Variants in MYOM1 observed in about 807,000 individuals in gnomAD.
MYOM1 encodes the protein myomesin-1.
Under a neutral mutation model 205.3 loss-of-function variants are expected in MYOM1, and 164 were observed. That is an observed-to-expected ratio of 0.80 (90% CI 0.70 to 0.91). MYOM1 has a LOEUF of 0.91. Among genes scored for constraint, MYOM1 ranks in the 40% least tolerant of loss-of-function variants. The pLI is 0.00. For synonymous variants in MYOM1, 772 were observed against 789.4 expected (o/e 0.98, Z 0.37); for missense variants, 2,011 against 2,127.3 (o/e 0.95, Z 1.08).
chr18:3,162,842 G>A (rs1309883020), intron 10 of MYOM1, among the ~76,000 whole-genome samples: 5 of 152,186 alleles, frequency 3.3e-5, no homozygotes, highest in South Asian at 2.1e-4. Context: ...TGGCTAACAC[G>A]GTGAAACCCC....
chr18:3,131,272 C>T, intron 17 of MYOM1, 103 bp downstream of exon 17: 1 of 1,310,486 alleles, frequency 7.6e-7, no homozygotes. Context: ...TGCAATCATC[C>T]AGCAATATTG....
At chr18:3,234,481 C>T in the MYOM1 span, among the ~76,000 whole-genome samples, 1 of 152,090 alleles carries the variant, frequency 6.6e-6, no homozygotes, top group East Asian at 1.9e-4. Flanking sequence ...TTTTGTGACC[C>T]CCTAGTTAAT....
At chr18:3,240,768 G>A in the MYOM1 span, among the ~76,000 whole-genome samples, 1 of 152,358 alleles carries the variant, frequency 6.6e-6, no homozygotes, top group African/African-American at 2.4e-5. Flanking sequence ...ATGTGGAAAA[G>A]TTTGGAACTT....
In MYOM1 at chr18:3,151,864, T is replaced by C. The variant is rs770549963; in HGVS notation, c.1673A>G (p.Gln558Arg). ...KCEVGTDSWSQCNDTPVKFAR... is the reference protein window; with the variant it reads ...KCEVGTDSWSRCNDTPVKFAR... ...AAACTTCACAGGTGTGTCATTGCACTGCGACCAGCTATCTGTGCCCACCTC... is the reference window on the plus strand; with the variant it reads ...AAACTTCACAGGTGTGTCATTGCACCGCGACCAGCTATCTGTGCCCACCTC... The change falls in exon 12 of 38, where the codon CAG becomes CGG. Residue 558 changes from glutamine (Q) to arginine (R), a missense_variant. By Grantham distance (43) the Gln-to-Arg change is conservative. Coordinates refer to ENST00000356443, the MANE Select transcript of MYOM1 (RefSeq NM_003803.4). The C allele has an allele frequency of 6.2e-7, 1 of 1,613,060 alleles. No individual in the cohort carries two copies. The highest frequency in any genetic ancestry group is 8.5e-7 in the Non-Finnish European group (1 of 1,179,286).
intron 25 of MYOM1, among the ~76,000 whole-genome samples, chr18:3,095,524 C>T (rs371859573): frequency 6.6e-6 from 1 of 152,096 alleles, no homozygotes; most frequent in East Asian, 1.9e-4. Flanking sequence ...GCCGAGATCG[C>T]GCCACTGCAC....
intron 36 of MYOM1, among the ~76,000 whole-genome samples, chr18:3,072,119 C>T (rs900596918): frequency 4.6e-5 from 7 of 150,814 alleles, no homozygotes; most frequent in African/African-American, 1.7e-4. Flanking sequence ...GGCGGGATCT[C>T]GGCTCACTGC....
the MYOM1 span, among the ~76,000 whole-genome samples, chr18:3,239,252 G>A: frequency 6.6e-6 from 1 of 152,182 alleles, no homozygotes; most frequent in African/African-American, 2.4e-5. Flanking sequence ...TTCTATAGGA[G>A]CAAGGAGAGT....
rs576052970 is a variant in MYOM1 at position 3,069,228 on chromosome 18, T to C, written c.4765-1673A>G. On this transcript the variant is annotated intron_variant, in intron 37 of 37. Transcript: ENST00000356443. Reference sequence around the variant, plus strand: ...TGTACACCAGCCCACCCAGCTACTATTCTTTATTACAGCAATTCTGATAGG... The same window carrying C: ...TGTACACCAGCCCACCCAGCTACTACTCTTTATTACAGCAATTCTGATAGG... 1.4e-4 allele frequency among the ~76,000 whole-genome samples: 21 copies of C among 152,364 alleles called. No individual in the cohort carries two copies. The South Asian group carries it at 4.1e-3, about 30-fold the overall frequency.
rs2080870847 is a variant in MYOM1, at chr18:3,189,198, G to A, written c.432-111C>T. On this transcript the variant is annotated intron_variant, in intron 3 of 37. Coordinates refer to ENST00000356443, the MANE Select transcript of MYOM1 (RefSeq NM_003803.4). This position sits in a 1 kb window ranked among gnomAD's most constrained non-coding sequence, Gnocchi z 4.8. ...TCAGACACTGTATCCTGCACCAAAAGAAAATCCGACATAGAAAAAGCAGGT... is the reference window on the plus strand; with the variant it reads ...TCAGACACTGTATCCTGCACCAAAAAAAAATCCGACATAGAAAAAGCAGGT... The A allele has an allele frequency of 2.0e-6, 2 of 1,007,658 alleles. No individual in the cohort carries two copies. The highest frequency in any genetic ancestry group is 2.8e-6 in the Non-Finnish European group (2 of 703,884). The allele number at this position is 1,007,658 out of a possible 1,614,324, so 62.4% of individuals were successfully genotyped here. A position where few individuals can be genotyped will look rare whatever the true frequency, so the allele number is the denominator to read the frequency against.
intron 14 of MYOM1, among the ~76,000 whole-genome samples, chr18:3,137,935 T>C (rs1196953353): frequency 1.3e-5 from 2 of 152,206 alleles, no homozygotes; most frequent in Non-Finnish European, 2.9e-5. Context: ...ATATGTGCAA[T>C]GATTGTGTAT....
chr18:3,166,405 GGATTACAGGC>G, intron 9 of MYOM1, among the ~76,000 whole-genome samples: 1 of 151,816 alleles, frequency 6.6e-6, no homozygotes, highest in Non-Finnish European at 1.5e-5. Flanking sequence ...TGAGTAGCTG[GGATTACAGGC>G]ATGCACCACC....
intron 3 of MYOM1, among the ~76,000 whole-genome samples, chr18:3,191,844 C>CAT (rs2080911471): frequency 6.6e-6 from 1 of 151,704 alleles, no homozygotes; most frequent in Non-Finnish European, 1.5e-5. Flanking sequence ...TACAGGTGCC[C>CAT]GCCACCACGC....
rs1051054278 is a variant in MYOM1, at chr18:3,209,685, T to C, written c.290+5249A>G. ...GCTGTCCCTGATGCCTGGTGCACCT[T>C]TACCCAGATAACCTCATGGCTACCT... On this transcript the variant is annotated intron_variant, in intron 2 of 37. Coordinates refer to ENST00000356443, the MANE Select transcript of MYOM1 (RefSeq NM_003803.4). This position sits in a 1 kb window ranked among gnomAD's most constrained non-coding sequence, Gnocchi z 4.0. 2.6e-5 allele frequency among the ~76,000 whole-genome samples: 4 copies of C among 152,136 alleles called. No homozygotes were observed. Among genetic ancestry groups the C allele is most frequent in the Non-Finnish European group, 4.4e-5 (3 of 68,022 alleles).
At position 3,081,130 on chromosome 18, in the gene MYOM1, C is replaced by CA. The variant is rs752878328; in HGVS notation, c.4485-1789dup. Among the ~76,000 whole-genome samples the CA allele has an allele frequency of 5.6e-3, 643 of 113,840 alleles. 1 individual carries two copies. Among genetic ancestry groups the CA allele is most frequent in the Middle Eastern group, 0.02 (4 of 198 alleles). 74.7% of individuals were successfully genotyped at this position (113,840 alleles called of 152,430 possible). On this transcript the variant is annotated intron_variant, in intron 33 of 37. Transcript: ENST00000356443. ...TGGGTGACAGAGTGAGACTCCGTCT[C>CA]AAAAAAAAAAAAAAAGAGAGAGAGT...
rs1448967472 is a variant in MYOM1 at position 3,179,831 on chromosome 18, C to T, written c.930-3697G>A. Among the ~76,000 whole-genome samples, 2 of 152,226 alleles carry T rather than the reference C, an allele frequency of 1.3e-5. No individual in the cohort carries two copies. The highest frequency in any genetic ancestry group is 4.8e-5 in the African/African-American group (2 of 41,462). ...ATTTCACACTGGACTCAAGCTCACTCTGGCTCTGCTCTTTCTTGTGCTGGA... is the reference window on the plus strand; with the variant it reads ...ATTTCACACTGGACTCAAGCTCACTTTGGCTCTGCTCTTTCTTGTGCTGGA... On this transcript the variant is annotated intron_variant, in intron 5 of 37. Coordinates refer to ENST00000356443, the MANE Select transcript of MYOM1 (RefSeq NM_003803.4). This position sits in a 1 kb window ranked among gnomAD's most constrained non-coding sequence, Gnocchi z 4.4.
chr18:3,085,143 A>G lies in MYOM1; in HGVS notation c.4252-11T>C. The G allele has an allele frequency of 6.3e-7, 1 of 1,590,330 alleles. No homozygotes were observed. The highest frequency in any genetic ancestry group is 8.6e-7 in the Non-Finnish European group (1 of 1,166,290). On this transcript the variant is annotated splice_polypyrimidine_tract_variant and intron_variant, in intron 30 of 37. Transcript: ENST00000356443. The stretch of plus-strand genomic sequence containing the variant: ...ATCTTTCTTGGAAAACTAAGGGGGA[A>G]TAGATATACCACATTGCACCTTTCG...
chr18:3,157,680 AAATAATAATAAT>A (rs55669820), intron 10 of MYOM1, among the ~76,000 whole-genome samples: 4,862 of 139,688 alleles, frequency 0.035, 201 homozygotes, highest in African/African-American at 0.1. Context: ...TTGTCTCCAA[AAATAATAATAAT>A]AATAATAATA....
chr18:3,143,898 C>CT (rs2080085489), intron 13 of MYOM1, among the ~76,000 whole-genome samples: 1 of 51,334 alleles, frequency 1.9e-5, no homozygotes, highest in African/African-American at 8.6e-5. Flanking sequence ...GAGACCCTGT[C>CT]TCAAAAAAAA....
At chr18:3,169,602 T>A (rs2080525174) in intron 8 of MYOM1, among the ~76,000 whole-genome samples, 1 of 152,134 alleles carries the variant, frequency 6.6e-6, no homozygotes, top group Admixed American at 6.5e-5. Flanking sequence ...AAAATGACAA[T>A]GAGATATCAT....
Sources: gnomAD v4.1 joint callset for allele counts (sites outside exome capture counted in the v4.1 genomes callset) on GRCh38, gnomAD v4.1.1 for gene constraint, Gnocchi (gnomAD v3.1) non-coding constraint, MANE v1.5 for transcripts, NCBI Gene and HGNC (gene_info 2026-07-23, HGNC 2026-07-21) for gene names.